The following NIPA2 variants were observed in gnomAD, a reference collection of about 807,000 sequenced individuals.
NIPA2 encodes magnesium transporter NIPA2.
Under a neutral mutation model 29.7 loss-of-function variants are expected in NIPA2, and 11 were observed. That is an observed-to-expected ratio of 0.37 (90% CI 0.23 to 0.61). The LOEUF is 0.61. Ranked by LOEUF, NIPA2 falls within the 20% of genes least tolerant of loss-of-function variation. The pLI, the probability that NIPA2 is intolerant of heterozygous loss-of-function variation, is 0.66. For synonymous variants in NIPA2, 183 were observed against 161.9 expected, an observed-to-expected ratio of 1.13 and a Z score of -0.99; for missense variants, 426 against 437.9, an observed-to-expected ratio of 0.97 and a Z score of 0.24.
In NIPA2 at chr15:22,867,698, G is replaced by GTT; in HGVS notation, c.*852_*853dup. On this transcript the variant is annotated 3_prime_UTR_variant, in exon 8 of 8. Coordinates refer to ENST00000337451, the MANE Select transcript of NIPA2 (RefSeq NM_030922.7). ...GGGTTGTTTCTTAAATTTAGCTCATGTTATAATAAAAAGTTGAAATGAAGT... is the reference window on the plus strand; with the variant it reads ...GGGTTGTTTCTTAAATTTAGCTCATGTTTTATAATAAAAAGTTGAAATGAAGT... 1 of 152,422 alleles carries GTT rather than the reference G, an allele frequency of 6.6e-6. No individual in the cohort carries two copies. The highest frequency in any genetic ancestry group is 1.9e-4 in the East Asian group (1 of 5,192). The allele number at this position is 152,422 out of a possible 1,614,324, so 9.4% of individuals were successfully genotyped here.
At chr15:22,858,472 A>G (rs1165911604) in intron 5 of NIPA2, 68 bp from the exon 6 acceptor site, 1 of 873,108 alleles carries the variant, frequency 1.1e-6, no homozygotes, top group Non-Finnish European at 1.8e-6. Flanking sequence ...AGTGCATAAA[A>G]TGCCGGCATT....
At chr15:22,860,483 CT>C (rs1284375120) in intron 6 of NIPA2, 145 bp from the exon 7 acceptor site, 12 of 600,554 alleles carry the variant, frequency 2.0e-5, no homozygotes, top group East Asian at 1.5e-4. Flanking sequence ...GAAATGTATA[CT>C]TTTTTTCCTT....
At chr15:22,859,315 C>T (rs1253676439) in intron 6 of NIPA2, among the ~76,000 whole-genome samples, 40 of 96,650 alleles carry the variant, frequency 4.1e-4, no homozygotes, top group African/African-American at 1.4e-3. Flanking sequence ...TTTTTTGAGG[C>T]GGAGTCTTGC....
At chr15:22,856,402 TC>T (rs2058181749) in intron 5 of NIPA2, among the ~76,000 whole-genome samples, 1 of 151,994 alleles carries the variant, frequency 6.6e-6, no homozygotes, top group Admixed American at 6.5e-5. Context: ...TTTTTTTTTT[TC>T]TTTTTGAGAA....
chr15:22,844,320 G>A (rs1897977312), intron 2 of NIPA2, among the ~76,000 whole-genome samples: 1 of 152,004 alleles, frequency 6.6e-6, no homozygotes, highest in Admixed American at 6.6e-5. Context: ...CAGCACTTTG[G>A]GAGGCCAAGG....
At chr15:22,843,986 C>T (rs552288719) in intron 2 of NIPA2, among the ~76,000 whole-genome samples, 7 of 152,188 alleles carry the variant, frequency 4.6e-5, no homozygotes, top group African/African-American at 1.7e-4. Context: ...TGTGAGCCGC[C>T]GTGCTCGGCC....
Position 22,866,738 on chromosome 15 carries a change from CTAATATGTATGAAGTTCTTAA to C in NIPA2, c.980_1000del (p.Met327_Asn333del). The C allele has an allele frequency of 1.2e-6, 2 of 1,613,914 alleles. No individual in the cohort carries two copies. The highest frequency in any genetic ancestry group is 1.7e-6 in the Non-Finnish European group (2 of 1,179,864). Reference sequence around the variant, plus strand: ...GAGAAAGCAATGAATGGCAATCTCTCTAATATGTATGAAGTTCTTAATAATAATGAAGAAAGCTTAACCTGT... The same window carrying C: ...GAGAAAGCAATGAATGGCAATCTCTCTAATAATGAAGAAAGCTTAACCTGT... On this transcript the variant is annotated inframe_deletion, in exon 8 of 8. Transcript: ENST00000337451.
rs941659268 is a variant in NIPA2 at position 22,855,981 on chromosome 15, A to G, written c.197-2559A>G. Among the ~76,000 whole-genome samples the G allele has an allele frequency of 3.9e-5, 6 of 152,184 alleles. 1 individual carries two copies. Among genetic ancestry groups the G allele is most frequent in the African/African-American group, 1.4e-4 (6 of 41,438 alleles). ...AAACGGTGTGATCCAAGAATACCAC[A>G]GAAGTGATGATGTGTGTCTTCCGAG... On this transcript the variant is annotated intron_variant, in intron 5 of 7. Transcript: ENST00000337451.
At chr15:22,842,392 G>T (rs1897313110) in intron 2 of NIPA2, among the ~76,000 whole-genome samples, 1 of 152,168 alleles carries the variant, frequency 6.6e-6, no homozygotes, top group Non-Finnish European at 1.5e-5. Flanking sequence ...AATATGGTAT[G>T]GGGAAATAAG....
Position 22,848,357 on chromosome 15 carries a change from A to G in NIPA2, c.-94+3090A>G, listed in dbSNP as rs531102999. On this transcript the variant is annotated intron_variant, in intron 3 of 7. Coordinates refer to ENST00000337451, the MANE Select transcript of NIPA2 (RefSeq NM_030922.7). ...ACATCGGTTACATTTTAGGATGCCA[A>G]TCTAAATGATGCAGTAGTTTTCTGT... is the stretch of plus-strand genomic sequence containing the variant. Among the ~76,000 whole-genome samples the G allele has an allele frequency of 7.2e-5, 11 of 152,218 alleles. No individual in the cohort carries two copies. The East Asian group carries it at 1.7e-3, about 24-fold the overall frequency.
chr15:22,854,802 A>G (rs1032740444), intron 5 of NIPA2, among the ~76,000 whole-genome samples: 2 of 152,144 alleles, frequency 1.3e-5, no homozygotes, highest in Non-Finnish European at 2.9e-5. Flanking sequence ...TGTGCTATCA[A>G]ATACTTGATG....
chr15:22,867,687 A>AT lies in NIPA2; in HGVS notation c.*843dup, dbSNP rs1555391566. On this transcript the variant is annotated 3_prime_UTR_variant, in exon 8 of 8. Transcript: ENST00000337451. ...ATAGAAGACTAGGGTTGTTTCTTAA[A>AT]TTTAGCTCATGTTATAATAAAAAGT... 3,960 of 152,576 alleles carry AT rather than the reference A, an allele frequency of 0.026. 160 individuals are homozygous for AT. Among genetic ancestry groups the AT allele is most frequent in the African/African-American group, 0.09 (3,750 of 41,520 alleles). The allele number at this position is 152,576 out of a possible 1,614,324, so 9.5% of individuals were successfully genotyped here.
chr15:22,841,611 C>T (rs756541006), intron 2 of NIPA2, among the ~76,000 whole-genome samples: 2 of 151,998 alleles, frequency 1.3e-5, no homozygotes, highest in African/African-American at 2.4e-5. Context: ...CAGTTTCTAG[C>T]GATTCTCCTG....
Position 22,858,604 on chromosome 15 carries a change from A to T in NIPA2, c.261A>T (p.Pro87=). 1 of 1,603,786 alleles carries T rather than the reference A, an allele frequency of 6.2e-7. No homozygotes were observed. Among genetic ancestry groups the T allele is most frequent in the South Asian group, 1.1e-5 (1 of 89,690 alleles). The change falls in exon 6 of 8, where the codon CCA becomes CCT. Residue 87 remains proline (P), a synonymous_variant. Coordinates refer to ENST00000337451, the MANE Select transcript of NIPA2 (RefSeq NM_030922.7). ...TTGCACCAGCCACTCTAGTGACTCC[A>T]CTAGGAGCTCTCAGCGTGCTAGTAA... ...YAFAPATLVT[P]LGALSVLVSA... is the part of the protein sequence containing the mutation.
intron 6 of NIPA2, among the ~76,000 whole-genome samples, chr15:22,859,722 A>G (rs1435240428): frequency 6.6e-6 from 1 of 152,186 alleles, no homozygotes; most frequent in Admixed American, 6.5e-5. Context: ...CTTGGTTACT[A>G]TTCCCAAAGT....
Position 22,851,650 on chromosome 15 carries a change from G to A in NIPA2, c.-82G>A. 8.5e-7 allele frequency: 1 copy of A among 1,176,694 alleles called. No homozygotes were observed. Among genetic ancestry groups the A allele is most frequent in the Admixed American group, 2.4e-5 (1 of 41,780 alleles). The allele number at this position is 1,176,694 out of a possible 1,614,324, so 72.9% of individuals were successfully genotyped here. Reference sequence around the variant, plus strand: ...TTTTTATTGTTTAGGTTTGAAGACTGCTTCATTCTGCCTCTAGTACCAGCG... The same window carrying A: ...TTTTTATTGTTTAGGTTTGAAGACTACTTCATTCTGCCTCTAGTACCAGCG... On this transcript the variant is annotated 5_prime_UTR_variant, in exon 4 of 8. Coordinates refer to ENST00000337451, the MANE Select transcript of NIPA2 (RefSeq NM_030922.7).
intron 2 of NIPA2, among the ~76,000 whole-genome samples, chr15:22,844,409 C>T (rs1200973915): frequency 3.3e-5 from 5 of 151,944 alleles, no homozygotes. Flanking sequence ...AAAAAATTAG[C>T]CGGGTGTGGC....
intron 3 of NIPA2, among the ~76,000 whole-genome samples, chr15:22,846,893 TTTG>T (rs1313900719): frequency 4.3e-5 from 6 of 140,316 alleles, no homozygotes; most frequent in African/African-American, 1.6e-4. Flanking sequence ...GTTTTTTGTT[TTTG>T]TTGTTGTTTT....
intron 7 of NIPA2, among the ~76,000 whole-genome samples, chr15:22,864,416 A>C (rs1041977010): frequency 6.6e-5 from 10 of 152,134 alleles, no homozygotes; most frequent in Admixed American, 5.9e-4. Flanking sequence ...GGCCGCCCAA[A>C]GTGCTGGGAT....
Sources: allele counts gnomAD v4.1 joint callset (sites outside exome capture counted in the v4.1 genomes callset), GRCh38; gene constraint gnomAD v4.1.1; transcripts MANE v1.5; gene names NCBI Gene and HGNC (gene_info 2026-07-23, HGNC 2026-07-21).